The following CNTNAP4 variants were observed in gnomAD, a reference collection of about 807,000 sequenced individuals.
CNTNAP4 encodes the protein contactin associated protein family member 4.
Under a neutral mutation model 148.4 loss-of-function variants are expected in CNTNAP4, and 98 were observed. The ratio of observed to expected loss-of-function variants is 0.66; its 90% CI spans 0.56 to 0.78. The LOEUF is 0.78. CNTNAP4 is among the 30% of genes least tolerant of loss of function. The pLI is 0.00. For synonymous variants in CNTNAP4, 730 were observed against 565.1 expected (o/e 1.29, Z -4.14); for missense variants, 1,935 against 1,565.6 (o/e 1.24, Z -3.98).
chr16:76,333,356 C>T (rs1963711033), intron 2 of CNTNAP4, among the ~76,000 whole-genome samples: 1 of 152,238 alleles, frequency 6.6e-6, no homozygotes. Context: ...CTTCTCTCTG[C>T]TCAAATCTGC....
intron 3 of CNTNAP4, among the ~76,000 whole-genome samples, chr16:76,412,839 A>AT: frequency 6.6e-6 from 1 of 151,580 alleles, no homozygotes; most frequent in Admixed American, 6.6e-5. Flanking sequence ...GGTTAAGAAA[A>AT]TCGTTGAACT....
intron 15 of CNTNAP4, among the ~76,000 whole-genome samples, chr16:76,520,226 A>G (rs1173729583): frequency 1.3e-5 from 2 of 152,202 alleles, no homozygotes; most frequent in African/African-American, 4.8e-5. Flanking sequence ...TCCTGTATCC[A>G]GTCGGATTTC....
intron 4 of CNTNAP4, among the ~76,000 whole-genome samples, chr16:76,445,436 A>T (rs546719598): frequency 4.6e-5 from 7 of 152,274 alleles, no homozygotes; most frequent in Non-Finnish European, 7.4e-5. Context: ...TTCAAACGTG[A>T]TGGGTCAAAT....
intron 21 of CNTNAP4, among the ~76,000 whole-genome samples, chr16:76,542,043 G>A (rs151179842): frequency 3.3e-5 from 5 of 152,166 alleles, no homozygotes; most frequent in Admixed American, 6.5e-5. Flanking sequence ...ACTTTATTCC[G>A]TTGATTCAAG....
chr16:76,399,617 A>G (rs2078332109), intron 3 of CNTNAP4, among the ~76,000 whole-genome samples: 1 of 152,222 alleles, frequency 6.6e-6, no homozygotes, highest in Non-Finnish European at 1.5e-5. Context: ...AGAGACTAAT[A>G]GTAGATTAAA....
intron 1 of CNTNAP4, among the ~76,000 whole-genome samples, chr16:76,311,247 C>T (rs1961072073): frequency 6.6e-6 from 1 of 152,024 alleles, no homozygotes; most frequent in African/African-American, 2.4e-5. Flanking sequence ...AAAATATTTT[C>T]AGTATACCTT....
At chr16:76,431,734 A>AT (rs1244550556) in intron 4 of CNTNAP4, among the ~76,000 whole-genome samples, 7 of 152,092 alleles carry the variant, frequency 4.6e-5, no homozygotes, top group Non-Finnish European at 1.5e-5. Context: ...TTGAATCAAG[A>AT]TATCTTGGTC....
At chr16:76,356,591 ATTTG>A (rs2012679256) in intron 3 of CNTNAP4, among the ~76,000 whole-genome samples, 1 of 152,170 alleles carries the variant, frequency 6.6e-6, no homozygotes. Flanking sequence ...GCAGAAAAAT[ATTTG>A]TTTGGATCTT....
intron 9 of CNTNAP4, among the ~76,000 whole-genome samples, chr16:76,465,413 A>C (rs1412916233): frequency 1.3e-5 from 2 of 152,186 alleles, no homozygotes; most frequent in African/African-American, 4.8e-5. Flanking sequence ...GAATTGCCTC[A>C]TGATAGGATA....
chr16:76,521,429 T>A (rs2083449401), intron 16 of CNTNAP4, 119 bp downstream of exon 16: 1 of 730,940 alleles, frequency 1.4e-6, no homozygotes, highest in South Asian at 2.9e-5. Flanking sequence ...ATTGCGCCCC[T>A]TTGAAAAACT....
At chr16:76,398,046 T>G (rs910718900) in intron 3 of CNTNAP4, among the ~76,000 whole-genome samples, 1 of 134,826 alleles carries the variant, frequency 7.4e-6, no homozygotes, top group African/African-American at 2.8e-5. Context: ...TAAGGTGAGG[T>G]CTGCAAGCTG....
intron 3 of CNTNAP4, 31 bp downstream of exon 3, chr16:76,355,542 C>T (rs749236498): frequency 1.4e-5 from 21 of 1,530,524 alleles, no homozygotes; most frequent in Middle Eastern, 1.7e-4. Context: ...CATAGTCTCT[C>T]GGGGAAAAAG....
At chr16:76,538,602 A>G (rs1408223354) in intron 19 of CNTNAP4, among the ~76,000 whole-genome samples, 1 of 151,728 alleles carries the variant, frequency 6.6e-6, no homozygotes, top group African/African-American at 2.4e-5. Context: ...AACATTTATT[A>G]TATTATTGTT....
intron 2 of CNTNAP4, among the ~76,000 whole-genome samples, chr16:76,334,050 G>C (rs551596559): frequency 6.6e-5 from 10 of 151,828 alleles, no homozygotes; most frequent in Admixed American, 2.6e-4. Context: ...AAAATGATGA[G>C]TTCATGTCCT....
chr16:76,358,864 A>G (rs2013046715), intron 3 of CNTNAP4, among the ~76,000 whole-genome samples: 1 of 150,904 alleles, frequency 6.6e-6, no homozygotes, highest in African/African-American at 2.4e-5. Flanking sequence ...ATATATATGT[A>G]TGTGTATATG....
chr16:76,470,007 A>C (rs1027909955), intron 10 of CNTNAP4, among the ~76,000 whole-genome samples: 2 of 152,166 alleles, frequency 1.3e-5, no homozygotes, highest in African/African-American at 4.8e-5. Context: ...TTAAAAAAAA[A>C]ATCTGTGTAC....
intron 3 of CNTNAP4, among the ~76,000 whole-genome samples, chr16:76,398,682 G>C (rs761417307): frequency 6.6e-6 from 1 of 152,046 alleles, no homozygotes; most frequent in Non-Finnish European, 1.5e-5. Flanking sequence ...CCATCAATAC[G>C]TGAGTTCCTA....
At chr16:76,285,684 C>A (rs138230490) in intron 1 of CNTNAP4, among the ~76,000 whole-genome samples, 62 of 152,086 alleles carry the variant, frequency 4.1e-4, no homozygotes, top group African/African-American at 1.4e-3. Context: ...TCCTAAATTA[C>A]GTTTATTGTA....
chr16:76,377,564 A>T (rs2015545201), intron 3 of CNTNAP4, among the ~76,000 whole-genome samples: 1 of 152,144 alleles, frequency 6.6e-6, no homozygotes, highest in Non-Finnish European at 1.5e-5. Context: ...AAAGTCATTT[A>T]GGGTGTTTTA....
Sources: gnomAD v4.1 joint callset for allele counts (sites outside exome capture counted in the v4.1 genomes callset) on GRCh38, gnomAD v4.1.1 for gene constraint, MANE v1.5 for transcripts, NCBI Gene and HGNC (gene_info 2026-07-23, HGNC 2026-07-21) for gene names.